The following SEMA3E variants were observed in gnomAD, a reference collection of about 807,000 sequenced individuals.
SEMA3E encodes semaphorin 3E.
Under a neutral mutation model 93.6 loss-of-function variants are expected in SEMA3E, and 49 were observed. That is an observed-to-expected ratio of 0.52 (90% CI 0.42 to 0.66). The LOEUF (loss-of-function observed/expected upper bound fraction) is 0.66, where lower values mean the gene tolerates loss of function less well. Among genes scored for constraint, SEMA3E ranks in the 30% least tolerant of loss-of-function variants. The pLI is 0.00. For synonymous variants in SEMA3E, 363 were observed against 330.7 expected, an observed-to-expected ratio of 1.10 and a Z score of -1.06; for missense variants, 906 against 964.8, an observed-to-expected ratio of 0.94 and a Z score of 0.81.
chr7:83,490,402 T>C lies in SEMA3E; in HGVS notation c.116-128A>G, dbSNP rs909797102. The C allele has an allele frequency of 9.1e-6, 8 of 879,252 alleles. No homozygotes were observed. In the African/African-American group the frequency reaches 1.2e-4, roughly 13 times the overall value. 54.5% of individuals were successfully genotyped at this position (879,252 alleles called of 1,614,324 possible). A position where few individuals can be genotyped will look rare whatever the true frequency, so the allele number is the denominator to read the frequency against. ...ATTAACATTCATTTTATCATACATATACTGGCAAAGAATTTTAATGTGCAC... is the reference window on the plus strand; with the variant it reads ...ATTAACATTCATTTTATCATACATACACTGGCAAAGAATTTTAATGTGCAC... On this transcript the variant is annotated intron_variant, in intron 1 of 16. Transcript: ENST00000643230.
chr7:83,390,764 C>T (rs942162480), intron 14 of SEMA3E, among the ~76,000 whole-genome samples: 3 of 152,280 alleles, frequency 2.0e-5, no homozygotes, highest in Non-Finnish European at 4.4e-5. Flanking sequence ...TTTACGAGCA[C>T]GGCTTCTGAT....
intron 4 of SEMA3E, among the ~76,000 whole-genome samples, chr7:83,454,383 G>A (rs1789440317): frequency 6.6e-6 from 1 of 150,510 alleles, no homozygotes; most frequent in Admixed American, 6.6e-5. Flanking sequence ...AGAATTTCAG[G>A]GGTTTAGAAT....
intron 4 of SEMA3E, among the ~76,000 whole-genome samples, chr7:83,458,053 T>A (rs1789526178): frequency 6.6e-6 from 1 of 151,534 alleles, no homozygotes; most frequent in Non-Finnish European, 1.5e-5. Flanking sequence ...ATATATATAA[T>A]TTTTTCAAAA....
At chr7:83,584,932 G>A (rs1382533201) in intron 1 of SEMA3E, among the ~76,000 whole-genome samples, 1 of 152,070 alleles carries the variant, frequency 6.6e-6, no homozygotes, top group Non-Finnish European at 1.5e-5. Flanking sequence ...ACATCTTGCA[G>A]CGTTTTCCCC....
intron 2 of SEMA3E, among the ~76,000 whole-genome samples, chr7:83,478,153 C>T (rs1790059011): frequency 6.6e-6 from 1 of 152,142 alleles, no homozygotes; most frequent in Non-Finnish European, 1.5e-5. Context: ...GAACTCCTGA[C>T]CTCAGGTGAT....
intron 11 of SEMA3E, among the ~76,000 whole-genome samples, chr7:83,397,813 T>G (rs2115606027): frequency 6.6e-6 from 1 of 152,296 alleles, no homozygotes; most frequent in African/African-American, 2.4e-5. Context: ...TTATCAAGTC[T>G]TATGGATGAG....
At chr7:83,597,028 CAGTT>C (rs1470238338) in intron 1 of SEMA3E, among the ~76,000 whole-genome samples, 4 of 152,086 alleles carry the variant, frequency 2.6e-5, no homozygotes, top group African/African-American at 9.7e-5. Context: ...TGTGGATTGA[CAGTT>C]AGACCAACGG....
Position 83,576,373 on chromosome 7 carries a change from G to A in SEMA3E, c.115+72055C>T, listed in dbSNP as rs1044285714. 2.6e-5 allele frequency among the ~76,000 whole-genome samples: 4 copies of A among 152,174 alleles called. 1 individual carries two copies. The South Asian group carries it at 8.3e-4, about 32-fold the overall frequency. The stretch of plus-strand genomic sequence containing the variant: ...TTACAATGAAGGATACGGAATGTAG[G>A]CTTTAAAGTGGGCAGCAATAAGCCA... On this transcript the variant is annotated intron_variant, in intron 1 of 16. Transcript: ENST00000643230.
intron 1 of SEMA3E, among the ~76,000 whole-genome samples, chr7:83,619,846 A>G (rs1054449614): frequency 2.6e-5 from 4 of 151,850 alleles, no homozygotes; most frequent in Non-Finnish European, 4.4e-5. Flanking sequence ...TAATATAAAT[A>G]TATACCTGTG....
chr7:83,483,179 A>G (rs1790184202), intron 2 of SEMA3E, among the ~76,000 whole-genome samples: 2 of 152,126 alleles, frequency 1.3e-5, no homozygotes, highest in South Asian at 4.1e-4. Flanking sequence ...TAGCATTTCT[A>G]TCAGATAATA....
intron 1 of SEMA3E, among the ~76,000 whole-genome samples, chr7:83,550,481 C>A (rs1791743369): frequency 6.6e-6 from 1 of 152,044 alleles, no homozygotes; most frequent in Non-Finnish European, 1.5e-5. Context: ...CTTCCTTCTT[C>A]ACCATTGTTG....
intron 1 of SEMA3E, among the ~76,000 whole-genome samples, chr7:83,539,923 C>G (rs539572369): frequency 1.4e-5 from 2 of 146,816 alleles, no homozygotes; most frequent in African/African-American, 5.0e-5. Context: ...CTCAGTTGCC[C>G]AGGTTGGAGT....
intron 3 of SEMA3E, 32 bp from the exon 4 acceptor site, chr7:83,466,633 C>G: frequency 6.2e-7 from 1 of 1,610,036 alleles, no homozygotes; most frequent in South Asian, 1.1e-5. Context: ...AGGAATCTAT[C>G]AGTATAATAA....
intron 2 of SEMA3E, among the ~76,000 whole-genome samples, chr7:83,485,493 A>G (rs924963844): frequency 2.0e-5 from 3 of 152,154 alleles, no homozygotes; most frequent in Non-Finnish European, 2.9e-5. Flanking sequence ...TACAGCAAAT[A>G]AGGCATGGGT....
At chr7:83,481,173 G>A (rs1790138103) in intron 2 of SEMA3E, among the ~76,000 whole-genome samples, 1 of 151,944 alleles carries the variant, frequency 6.6e-6, no homozygotes, top group Non-Finnish European at 1.5e-5. Context: ...TTGAATCTAT[G>A]GTCAATCAAG....
At chr7:83,384,491 ATCC>A (rs1283536012) in intron 16 of SEMA3E, among the ~76,000 whole-genome samples, 1 of 9,080 alleles carries the variant, frequency 1.1e-4, no homozygotes, top group Admixed American at 3.0e-3. Context: ...CTTCTAAAAT[ATCC>A]ATTTTTTTTT....
At chr7:83,580,875 T>A (rs181900515) in intron 1 of SEMA3E, among the ~76,000 whole-genome samples, 151 of 152,078 alleles carry the variant, frequency 9.9e-4, no homozygotes, top group African/African-American at 3.5e-3. Context: ...TACCAAAAAA[T>A]TTATTTAAGA....
intron 1 of SEMA3E, among the ~76,000 whole-genome samples, chr7:83,538,912 G>A (rs1210067928): frequency 6.6e-6 from 1 of 152,182 alleles, no homozygotes. Flanking sequence ...GATTCCCGTC[G>A]CTCTCTCTTA....
intron 5 of SEMA3E, among the ~76,000 whole-genome samples, chr7:83,410,339 A>C (rs1303503005): frequency 6.6e-5 from 10 of 152,028 alleles, no homozygotes. Context: ...TCAAGATCAC[A>C]GAGTTTTTAA....
Sources: gnomAD v4.1 joint callset for allele counts (sites outside exome capture counted in the v4.1 genomes callset) on GRCh38, gnomAD v4.1.1 for gene constraint, MANE v1.5 for transcripts, NCBI Gene and HGNC (gene_info 2026-07-23, HGNC 2026-07-21) for gene names.